Variants in SLCO3A1 observed in about 807,000 individuals in gnomAD.
SLCO3A1 encodes the protein PGE1 transporter.
A neutral mutation model predicts 63.1 loss-of-function variants in SLCO3A1; 27 were observed. The ratio of observed to expected loss-of-function variants is 0.43; its 90% CI spans 0.32 to 0.59. SLCO3A1 has a LOEUF of 0.59. Ranked by LOEUF, SLCO3A1 falls within the 20% of genes least tolerant of loss-of-function variation. The probability of loss-of-function intolerance (pLI) is 0.09; values close to 1 mark genes in which losing one functional copy is unlikely to be tolerated. For missense variants in SLCO3A1, 773 were observed against 945.8 expected (o/e 0.82, Z 2.40); for synonymous variants, 473 against 409.9 (o/e 1.15, Z -1.86).
intron 9 of SLCO3A1, among the ~76,000 whole-genome samples, chr15:92,160,031 A>G (rs1413271487): frequency 1.3e-5 from 2 of 152,134 alleles, no homozygotes; most frequent in Admixed American, 1.3e-4. Flanking sequence ...AGTTCCTTCC[A>G]GCAGCAAAGC....
chr15:92,171,517 A>G, intron 10 of SLCO3A1: 1 of 418,886 alleles, frequency 2.4e-6, no homozygotes, highest in Non-Finnish European at 4.3e-6. Flanking sequence ...CATCCCCGAC[A>G]TCTGCTTGGC....
chr15:91,995,157 T>C (rs2046175700), intron 2 of SLCO3A1, among the ~76,000 whole-genome samples: 1 of 152,152 alleles, frequency 6.6e-6, no homozygotes, highest in South Asian at 2.1e-4. Flanking sequence ...CTGTGAAGTA[T>C]GTGTTGTGGA....
intron 4 of SLCO3A1, among the ~76,000 whole-genome samples, chr15:92,113,146 C>A (rs1205382851): frequency 6.6e-6 from 1 of 152,204 alleles, no homozygotes; most frequent in African/African-American, 2.4e-5. Flanking sequence ...CTCCCAGGCT[C>A]CTTTCTTCAT....
At chr15:92,060,580 A>G (rs2047075377) in intron 2 of SLCO3A1, among the ~76,000 whole-genome samples, 1 of 146,856 alleles carries the variant, frequency 6.8e-6, no homozygotes, top group African/African-American at 2.5e-5. Context: ...GCTCACTGCA[A>G]CCTCCGCCTC....
downstream of SLCO3A1, among the ~76,000 whole-genome samples, chr15:92,169,755 A>G (rs1289427344): frequency 2.6e-5 from 4 of 152,088 alleles, no homozygotes; most frequent in Non-Finnish European, 5.9e-5. Flanking sequence ...GGCTTCAAAC[A>G]CACCGAAGCT....
In SLCO3A1 at chr15:91,916,998, G is replaced by A. The variant is rs1898684844; in HGVS notation, c.646+540G>A. Among the ~76,000 whole-genome samples, 1 of 152,210 alleles carries A rather than the reference G, an allele frequency of 6.6e-6. No homozygotes were observed. The highest frequency in any genetic ancestry group is 1.5e-5 in the Non-Finnish European group (1 of 68,032). ...GTATGTAGAGAGAAATAAGGTATTTGTGTTTTGAAAAGTTATTTTTCACGG... is the reference window on the plus strand; with the variant it reads ...GTATGTAGAGAGAAATAAGGTATTTATGTTTTGAAAAGTTATTTTTCACGG... On this transcript the variant is annotated intron_variant, in intron 2 of 9. Transcript: ENST00000318445. This position sits in a 1 kb window ranked among gnomAD's most constrained non-coding sequence, Gnocchi z 6.2.
chr15:92,125,736 G>A (rs180849857), intron 5 of SLCO3A1, among the ~76,000 whole-genome samples: 37 of 151,988 alleles, frequency 2.4e-4, no homozygotes, highest in Non-Finnish European at 5.9e-5. Context: ...GCATGTCTGT[G>A]TTCCCAGTCT....
At position 91,885,304 on chromosome 15, in the gene SLCO3A1, G is replaced by A. The variant is rs1341946304; in HGVS notation, c.181-30689G>A. Among the ~76,000 whole-genome samples, 1 of 152,164 alleles carries A rather than the reference G, an allele frequency of 6.6e-6. No homozygotes were observed. The highest frequency in any genetic ancestry group is 1.5e-5 in the Non-Finnish European group (1 of 68,020). On this transcript the variant is annotated intron_variant, in intron 1 of 9. Coordinates refer to ENST00000318445, the MANE Select transcript of SLCO3A1 (RefSeq NM_013272.4). This position sits in a 1 kb window ranked among gnomAD's most constrained non-coding sequence, Gnocchi z 4.7. ...ACCTCCTGAGGGCTCACTCCTTAAA[G>A]GCAGGATGCAGTGGCTTCTCCTTGA...
At chr15:91,983,484 C>T (rs2046012074) in intron 2 of SLCO3A1, among the ~76,000 whole-genome samples, 1 of 152,186 alleles carries the variant, frequency 6.6e-6, no homozygotes, top group East Asian at 1.9e-4. Flanking sequence ...GAAGGTTTCA[C>T]TTCAATTCCA....
intron 2 of SLCO3A1, among the ~76,000 whole-genome samples, chr15:92,061,936 A>G (rs547696923): frequency 3.3e-5 from 5 of 152,296 alleles, no homozygotes; most frequent in African/African-American, 9.6e-5. Context: ...GATTTTGGCA[A>G]CCCTGTGGCA....
At position 92,164,143 on chromosome 15, in the gene SLCO3A1, A is replaced by G. The variant is rs2048473519; in HGVS notation, c.*1008A>G. The stretch of plus-strand genomic sequence containing the variant: ...TGTGTTAACCCTTCAAGTCACTAAC[A>G]CAGTTCTCTAGGCCGGATTTATTAT... On this transcript the variant is annotated 3_prime_UTR_variant, in exon 10 of 10. Transcript: ENST00000318445. 2.0e-6 allele frequency: 2 copies of G among 984,148 alleles called. No homozygotes were observed. The highest frequency in any genetic ancestry group is 2.4e-6 in the Non-Finnish European group (2 of 828,818). 61.0% of individuals were successfully genotyped at this position (984,148 alleles called of 1,614,324 possible).
chr15:91,971,912 G>C (rs930324277), intron 2 of SLCO3A1, among the ~76,000 whole-genome samples: 1 of 152,118 alleles, frequency 6.6e-6, no homozygotes, highest in South Asian at 2.1e-4. Flanking sequence ...AGAAATGCTT[G>C]GGACCAGAAG....
chr15:92,168,958 C>T (rs1248419395), downstream of SLCO3A1, among the ~76,000 whole-genome samples: 2 of 152,138 alleles, frequency 1.3e-5, no homozygotes, highest in Non-Finnish European at 2.9e-5. Flanking sequence ...AAGAGTGATT[C>T]CAGATACCAA....
intron 2 of SLCO3A1, among the ~76,000 whole-genome samples, chr15:92,032,140 A>T (rs2046657657): frequency 6.6e-6 from 1 of 152,154 alleles, no homozygotes; most frequent in Admixed American, 6.5e-5. Context: ...CTGCTATAGC[A>T]ATGTTTGGCC....
chr15:92,081,516 G>GC, intron 2 of SLCO3A1, among the ~76,000 whole-genome samples: 1 of 152,014 alleles, frequency 6.6e-6, no homozygotes, highest in Non-Finnish European at 1.5e-5. Context: ...GATTACAGGT[G>GC]CCCACCACCA....
At chr15:91,966,590 T>A (rs1900669951) in intron 2 of SLCO3A1, among the ~76,000 whole-genome samples, 1 of 152,200 alleles carries the variant, frequency 6.6e-6, no homozygotes, top group African/African-American at 2.4e-5. Context: ...AGCACCCAAA[T>A]TTTGAGGACT....
downstream of SLCO3A1, among the ~76,000 whole-genome samples, chr15:92,168,852 T>C (rs969209044): frequency 3.9e-5 from 6 of 152,230 alleles, no homozygotes; most frequent in Non-Finnish European, 7.3e-5. Context: ...CATTCCCATA[T>C]AGCTGTGACA....
intron 9 of SLCO3A1, chr15:92,161,735 GGCGCTTT>G: frequency 6.6e-6 from 1 of 150,644 alleles, no homozygotes; most frequent in African/African-American, 2.4e-5. Flanking sequence ...ACAGTATGCC[GGCGCTTT>G]GCAGTTTCCT....
At chr15:91,991,534 C>T (rs1423330303) in intron 2 of SLCO3A1, among the ~76,000 whole-genome samples, 1 of 152,196 alleles carries the variant, frequency 6.6e-6, no homozygotes. Context: ...ATCCAGTAGA[C>T]ATACGCAAGA....
Sources: allele counts gnomAD v4.1 joint callset (sites outside exome capture counted in the v4.1 genomes callset), GRCh38; gene constraint gnomAD v4.1.1; non-coding constraint Gnocchi (gnomAD v3.1); transcripts MANE v1.5; gene names NCBI Gene and HGNC (gene_info 2026-07-23, HGNC 2026-07-21).